TEX2: variants seen among roughly 807,000 people sequenced by gnomAD.
The protein encoded by TEX2 is testis expressed 2, also known as testis-expressed protein 2.
A neutral mutation model predicts 106.9 loss-of-function variants in TEX2; 53 were observed. The ratio of observed to expected loss-of-function variants is 0.50; its 90% CI spans 0.40 to 0.62. The LOEUF (loss-of-function observed/expected upper bound fraction) is 0.62, where lower values mean the gene tolerates loss of function less well. TEX2 is among the 20% of genes least tolerant of loss of function. The probability of loss-of-function intolerance (pLI) is 0.00; values close to 1 mark genes in which losing one functional copy is unlikely to be tolerated. For synonymous variants in TEX2, 523 were observed against 534.8 expected (o/e 0.98, Z 0.30); for missense variants, 1,207 against 1,379.0 (o/e 0.88, Z 1.98).
At chr17:64,239,879 A>C (rs1598218117) in intron 1 of TEX2, among the ~76,000 whole-genome samples, 1 of 129,408 alleles carries the variant, frequency 7.7e-6, no homozygotes, top group South Asian at 2.5e-4. Flanking sequence ...CTGTCTCAAA[A>C]AAAAAAAAAA....
At chr17:64,249,161 G>A (rs1555636647) in intron 1 of TEX2, among the ~76,000 whole-genome samples, 1 of 152,118 alleles carries the variant, frequency 6.6e-6, no homozygotes. Context: ...ACTGACTTAA[G>A]CACTTGTATA....
At chr17:64,256,154 G>A (rs1016765058) in intron 1 of TEX2, 3 of 152,164 alleles carry the variant, frequency 2.0e-5, no homozygotes, top group African/African-American at 7.2e-5. Context: ...CTATGGTTAC[G>A]CTACACATGG....
rs782316817 is a variant in TEX2, at chr17:64,213,372, T to C, written c.846A>G (p.Glu282=). 1 of 1,613,986 alleles carries C rather than the reference T, an allele frequency of 6.2e-7. No homozygotes were observed. The highest frequency in any genetic ancestry group is 8.5e-7 in the Non-Finnish European group (1 of 1,180,020). ...SDTRSFFKVP[E]MEAKIEDTKR... is the part of the protein sequence containing the mutation. ...TAGTATCTTCAATTTTAGCCTCCAT[T>C]TCGGGCACTTTAAAAAAGGAACGAG... is the stretch of plus-strand genomic sequence containing the variant. The change falls in exon 2 of 12, where the codon GAA becomes GAG. Residue 282 remains glutamate, a synonymous_variant. Transcript: ENST00000584379. The surrounding 1 kb of genome is among the most constrained non-coding windows in gnomAD (Gnocchi z 4.4).
At chr17:64,181,947 C>T (rs2031885795) in intron 5 of TEX2, among the ~76,000 whole-genome samples, 2 of 151,876 alleles carry the variant, frequency 1.3e-5, no homozygotes, top group Non-Finnish European at 1.5e-5. Context: ...CAGAATTACC[C>T]TTAAGATGCA....
chr17:64,179,585 C>A (rs2031764371), intron 5 of TEX2, among the ~76,000 whole-genome samples: 1 of 152,176 alleles, frequency 6.6e-6, no homozygotes, highest in South Asian at 2.1e-4. Flanking sequence ...GTCAGTGAGA[C>A]CACGAACCCA....
At chr17:64,209,064 A>C (rs1448025879) in intron 2 of TEX2, among the ~76,000 whole-genome samples, 1 of 152,192 alleles carries the variant, frequency 6.6e-6, no homozygotes, top group African/African-American at 2.4e-5. Flanking sequence ...TCACATACCT[A>C]ATACGTGGCA....
At chr17:64,230,491 C>T (rs1258746586) in intron 1 of TEX2, 1 of 152,320 alleles carries the variant, frequency 6.6e-6, no homozygotes, top group Non-Finnish European at 1.5e-5. Context: ...GGGGAACATT[C>T]CCCACCCAAC....
At chr17:64,232,772 G>A (rs931078627) in intron 1 of TEX2, among the ~76,000 whole-genome samples, 1 of 152,234 alleles carries the variant, frequency 6.6e-6, no homozygotes. Flanking sequence ...AAGGAAACTT[G>A]ATGGTTTGGG....
chr17:64,159,659 T>A (rs1244533633), intron 8 of TEX2, among the ~76,000 whole-genome samples: 1 of 152,194 alleles, frequency 6.6e-6, no homozygotes, highest in Non-Finnish European at 1.5e-5. Flanking sequence ...TTACAGGGTA[T>A]GAAATGCTAT....
chr17:64,193,387 T>C (rs1215861045), intron 4 of TEX2, among the ~76,000 whole-genome samples, 172 bp downstream of exon 4: 2 of 152,216 alleles, frequency 1.3e-5, no homozygotes, highest in African/African-American at 4.8e-5. Context: ...GACAGACGGC[T>C]GCAGTGATCA....
At chr17:64,210,353 A>G (rs2032959072) in intron 2 of TEX2, among the ~76,000 whole-genome samples, 1 of 152,236 alleles carries the variant, frequency 6.6e-6, no homozygotes, top group Non-Finnish European at 1.5e-5. Context: ...TGCAAAATAT[A>G]TGATCCTATT....
chr17:64,177,328 T>C lies in TEX2; in HGVS notation c.2568A>G (p.Ile856Met). The change falls in exon 6 of 12, where the codon ATA becomes ATG. Residue 856 changes from isoleucine (I) to methionine (M), a missense_variant. Physicochemically the swap from Ile to Met is conservative, Grantham distance 10. Transcript: ENST00000584379. The stretch of plus-strand genomic sequence containing the variant: ...CCTCTTGTGTGGAAAGTGATACCTT[T>C]ATTTTGCTGAGTTTCATTTGGATCT... ...SKKIQMKLSK[I>M]KLPYFMNELT... The C allele has an allele frequency of 6.2e-7, 1 of 1,614,094 alleles. No individual in the cohort carries two copies. Among genetic ancestry groups the C allele is most frequent in the Middle Eastern group, 1.7e-4 (1 of 6,054 alleles).
Position 64,212,970 on chromosome 17 carries a change from T to G in TEX2, c.1248A>C (p.Glu416Asp). 6.2e-7 allele frequency: 1 copy of G among 1,614,248 alleles called. No individual in the cohort carries two copies. Among genetic ancestry groups the G allele is most frequent in the Non-Finnish European group, 8.5e-7 (1 of 1,180,034 alleles). Reference sequence around the variant, plus strand: ...CCTCAGTGTACAGTTCACAAAACTCTTCATCTTCTTTGCTCACTAAGGCAG... The same window carrying G: ...CCTCAGTGTACAGTTCACAAAACTCGTCATCTTCTTTGCTCACTAAGGCAG... ...SLSALVSKED[E>D]EFCELYTEDF... Residue 416 changes from glutamate to aspartate, a missense_variant, in exon 2 of 12, where the codon GAA (glutamate) becomes GAC (aspartate). Glu to Asp is a conservative substitution (Grantham distance 45). This residue lies in a region of TEX2 where 1,067 missense variants were observed against 1,193.6 expected (regional missense o/e 0.89). Coordinates refer to ENST00000584379, the MANE Select transcript of TEX2 (RefSeq NM_001288732.2).
At chr17:64,260,796 A>G (rs1235962527) in intron 1 of TEX2, among the ~76,000 whole-genome samples, 1 of 152,204 alleles carries the variant, frequency 6.6e-6, no homozygotes, top group Non-Finnish European at 1.5e-5. Flanking sequence ...TAAGGATCAG[A>G]CAGAAGAAAG....
At position 64,183,786 on chromosome 17, in the gene TEX2, A is replaced by C. The variant is rs149365920; in HGVS notation, c.2424+4382T>G. On this transcript the variant is annotated intron_variant, in intron 5 of 11. Coordinates refer to ENST00000584379, the MANE Select transcript of TEX2 (RefSeq NM_001288732.2). ...CTTGTTATCATCTATCTTTTTAAAA[A>C]TTTTTATTATTTATTTATTTATTTG... 2.9e-3 allele frequency among the ~76,000 whole-genome samples: 437 copies of C among 151,602 alleles called. 2 individuals carry two copies. Among genetic ancestry groups the C allele is most frequent in the African/African-American group, 9.7e-3 (401 of 41,308 alleles).
chr17:64,218,338 T>A (rs528477961), intron 1 of TEX2, among the ~76,000 whole-genome samples: 3 of 150,872 alleles, frequency 2.0e-5, no homozygotes, highest in South Asian at 2.1e-4. Context: ...CCCCGAGGTA[T>A]GAGCTCTAGA....
intron 1 of TEX2, among the ~76,000 whole-genome samples, chr17:64,248,850 C>A (rs1050967498): frequency 1.1e-4 from 16 of 152,108 alleles, no homozygotes; most frequent in Non-Finnish European, 2.1e-4. Flanking sequence ...GCCTGGCCAA[C>A]ATGGTGAAAC....
At chr17:64,149,294 C>G in intron 11 of TEX2, 1 of 553,280 alleles carries the variant, frequency 1.8e-6, no homozygotes, top group South Asian at 2.3e-5. Flanking sequence ...CGAGAATCCT[C>G]TAATATATCA....
At chr17:64,258,434 C>A (rs1344076492) in intron 1 of TEX2, among the ~76,000 whole-genome samples, 4 of 151,712 alleles carry the variant, frequency 2.6e-5, no homozygotes, top group Admixed American at 6.6e-5. Flanking sequence ...AGTTATTTAA[C>A]CTTTCTGAGC....
Sources: allele counts gnomAD v4.1 joint callset (sites outside exome capture counted in the v4.1 genomes callset), GRCh38; gene constraint gnomAD v4.1.1; regional missense constraint gnomAD v4.1.1; non-coding constraint Gnocchi (gnomAD v3.1); transcripts MANE v1.5; gene names NCBI Gene and HGNC (gene_info 2026-07-23, HGNC 2026-07-21).